CCDC125: variants seen among roughly 807,000 people sequenced by gnomAD.
The protein encoded by CCDC125 is coiled-coil domain-containing protein 125.
A neutral mutation model predicts 57.4 loss-of-function variants in CCDC125; 43 were observed. The ratio of observed to expected loss-of-function variants is 0.75; its 90% CI spans 0.59 to 0.97. The LOEUF is 0.97. CCDC125 is among the 50% of genes least tolerant of loss of function. The pLI, the probability that CCDC125 is intolerant of heterozygous loss-of-function variation, is 0.00. For missense variants in CCDC125, 563 were observed against 595.7 expected, an observed-to-expected ratio of 0.95 and a Z score of 0.57; for synonymous variants, 187 against 195.2, an observed-to-expected ratio of 0.96 and a Z score of 0.35.
At chr5:69,298,199 A>G (rs1755731465) in intron 8 of CCDC125, among the ~76,000 whole-genome samples, 3 of 151,888 alleles carry the variant, frequency 2.0e-5, no homozygotes, top group Admixed American at 2.0e-4. Context: ...TACTTTTAAT[A>G]GAGACGGGGT....
chr5:69,328,653 TTAGAG>T (rs1761024107), intron 1 of CCDC125, among the ~76,000 whole-genome samples: 1 of 152,120 alleles, frequency 6.6e-6, no homozygotes, highest in Non-Finnish European at 1.5e-5. Flanking sequence ...ATTAGTAGGA[TTAGAG>T]TATTTTTCCA....
Position 69,314,048 on chromosome 5 carries a change from T to G in CCDC125, c.305-2A>C. 6.2e-7 allele frequency: 1 copy of G among 1,603,312 alleles called. No homozygotes were observed. The highest frequency in any genetic ancestry group is 8.5e-7 in the Non-Finnish European group (1 of 1,170,214). On this transcript the variant is annotated splice_acceptor_variant, in intron 2 of 11. Coordinates refer to ENST00000396496, the MANE Select transcript of CCDC125 (RefSeq NM_176816.5). LOFTEE classifies it high-confidence loss of function. ...TTGACAATTCTGAATTCGAATCTAC[T>G]TGGGAGGGAGGAGAAAAGAATCTAT...
chr5:69,299,944 G>T, intron 8 of CCDC125, 68 bp downstream of exon 8: 1 of 1,174,042 alleles, frequency 8.5e-7, no homozygotes, highest in Non-Finnish European at 1.3e-6. Flanking sequence ...TGTACACAAG[G>T]GCAATGGGAG....
downstream of CCDC125, among the ~76,000 whole-genome samples, chr5:69,276,052 C>T (rs888423786): frequency 5.3e-5 from 8 of 151,734 alleles, no homozygotes; most frequent in East Asian, 3.9e-4. Context: ...TTTTTTGATA[C>T]GGAGCCTTGC....
chr5:69,284,455 A>G (rs1752990206), intron 11 of CCDC125, among the ~76,000 whole-genome samples: 2 of 152,182 alleles, frequency 1.3e-5, no homozygotes, highest in African/African-American at 4.8e-5. Flanking sequence ...AAATGCCTCA[A>G]TAAACAGGCA....
intron 1 of CCDC125, among the ~76,000 whole-genome samples, chr5:69,324,550 A>T (rs952087742): frequency 6.6e-6 from 1 of 152,260 alleles, no homozygotes; most frequent in Non-Finnish European, 1.5e-5. Context: ...TTTGTCAAAA[A>T]TTGGAAACAA....
At chr5:69,274,058 C>T in the CCDC125 span, among the ~76,000 whole-genome samples, 1 of 152,050 alleles carries the variant, frequency 6.6e-6, no homozygotes, top group South Asian at 2.1e-4. Context: ...AATTTGTTGC[C>T]TTTTCACTCA....
At chr5:69,321,735 G>GA in intron 1 of CCDC125, among the ~76,000 whole-genome samples, 1 of 152,228 alleles carries the variant, frequency 6.6e-6, no homozygotes, top group Middle Eastern at 3.4e-3. Flanking sequence ...ATTTTTCAGG[G>GA]AAAAAAGTTT....
chr5:69,286,225 T>TATAAATATAA (rs1554071413), intron 10 of CCDC125, among the ~76,000 whole-genome samples: 1 of 111,466 alleles, frequency 9.0e-6, no homozygotes, highest in African/African-American at 3.5e-5. Flanking sequence ...TATATATATA[T>TATAAATATAA]ATATATATAA....
At chr5:69,306,141 G>A in intron 6 of CCDC125, among the ~76,000 whole-genome samples, 1 of 149,968 alleles carries the variant, frequency 6.7e-6, no homozygotes, top group Non-Finnish European at 1.5e-5. Flanking sequence ...CATCTAGGCT[G>A]GTTTTGAACT....
intron 1 of CCDC125, among the ~76,000 whole-genome samples, chr5:69,330,318 C>T (rs559993470): frequency 8.3e-4 from 127 of 152,220 alleles, no homozygotes; most frequent in African/African-American, 2.7e-3. Flanking sequence ...AATTCACCGC[C>T]GGGCACGGTG....
At chr5:69,313,797 G>A in intron 3 of CCDC125, 188 bp downstream of exon 3, 1 of 803,526 alleles carries the variant, frequency 1.2e-6, no homozygotes, top group Non-Finnish European at 2.3e-6. Context: ...AACTTCTCTG[G>A]TGTTGAAGAC....
In CCDC125 at chr5:69,320,580, T is replaced by C. The variant is rs1181928472; in HGVS notation, c.-40A>G. 5 of 1,432,880 alleles carry C rather than the reference T, an allele frequency of 3.5e-6. No homozygotes were observed. The African/African-American group carries it at 7.1e-5, about 20-fold the overall frequency. 88.8% of individuals were successfully genotyped at this position (1,432,880 alleles called of 1,614,324 possible). On this transcript the variant is annotated splice_region_variant and 5_prime_UTR_variant, in exon 2 of 12. Transcript: ENST00000396496. ...CTTTATCATAAGAAAAAATGGGCTG[T>C]CTGTAGTTAAGAAAAACAGTAGTTA...
chr5:69,322,741 T>A (rs757742873), intron 1 of CCDC125, among the ~76,000 whole-genome samples: 2 of 151,776 alleles, frequency 1.3e-5, no homozygotes, highest in Non-Finnish European at 2.9e-5. Context: ...TTTTGTATTT[T>A]TAGCAGAGAC....
chr5:69,277,245 T>C, downstream of CCDC125: 3 of 662,874 alleles, frequency 4.5e-6, no homozygotes, highest in Middle Eastern at 4.5e-4. Context: ...GTAAATATTC[T>C]ACACATGTAA....
intron 7 of CCDC125, among the ~76,000 whole-genome samples, chr5:69,300,893 T>C (rs80308733): frequency 7.2e-4 from 110 of 152,030 alleles, no homozygotes; most frequent in Admixed American, 6.0e-3. Flanking sequence ...TTTTTTTCCT[T>C]CCTTTTCTTT....
At chr5:69,292,158 C>A in intron 10 of CCDC125, 30 bp downstream of exon 10, 7 of 1,547,228 alleles carry the variant, frequency 4.5e-6, no homozygotes, top group Admixed American at 1.9e-5. Flanking sequence ...AAAATTACAC[C>A]CACTTATTGC....
downstream of CCDC125, among the ~76,000 whole-genome samples, chr5:69,279,720 C>T (rs1284320470): frequency 1.3e-5 from 2 of 152,026 alleles, no homozygotes; most frequent in Non-Finnish European, 2.9e-5. Context: ...GAGAAGCAGC[C>T]AAGCAGCTAA....
chr5:69,318,130 C>T (rs1230660199), intron 2 of CCDC125, among the ~76,000 whole-genome samples: 6 of 151,456 alleles, frequency 4.0e-5, no homozygotes, highest in African/African-American at 1.2e-4. Context: ...TACAGGTGCA[C>T]GCCACCATGC....
Sources: allele counts gnomAD v4.1 joint callset (sites outside exome capture counted in the v4.1 genomes callset), GRCh38; gene constraint gnomAD v4.1.1; transcripts MANE v1.5; gene names NCBI Gene and HGNC (gene_info 2026-07-23, HGNC 2026-07-21).